The following LRRK2 variants were observed in gnomAD, a reference collection of about 807,000 sequenced individuals.
The protein encoded by LRRK2 is leucine rich repeat kinase 2.
LRRK2 carries 203 observed loss-of-function variants against 302.6 expected under a neutral mutation model. The ratio of observed to expected loss-of-function variants is 0.67; its 90% CI spans 0.60 to 0.75. LRRK2 has a LOEUF of 0.75. LRRK2 is among the 30% of genes least tolerant of loss of function. The pLI is 0.00. For synonymous variants in LRRK2, 1,066 were observed against 1,031.9 expected (o/e 1.03, Z -0.63); for missense variants, 2,830 against 2,951.0 (o/e 0.96, Z 0.95).
intron 8 of LRRK2, 150 bp from the exon 9 acceptor site, chr12:40,251,082 A>G: frequency 1.9e-6 from 1 of 516,608 alleles, no homozygotes; most frequent in Non-Finnish European, 3.3e-6. Flanking sequence ...CGTATAATAT[A>G]TTAAAAATTA....
intron 47 of LRRK2, among the ~76,000 whole-genome samples, chr12:40,361,012 T>C (rs1946687677): frequency 6.6e-6 from 1 of 152,162 alleles, no homozygotes; most frequent in South Asian, 2.1e-4. Flanking sequence ...CCACTAAATC[T>C]ACTGGCTTTC....
At chr12:40,231,601 A>G (rs11175659) in intron 2 of LRRK2, among the ~76,000 whole-genome samples, 2,354 of 148,476 alleles carry the variant, frequency 0.016, 60 homozygotes, top group African/African-American at 0.052. Flanking sequence ...AACAAGAAAA[A>G]AAAAGTACTA....
At chr12:40,270,686 T>G (rs894141288) in intron 14 of LRRK2, among the ~76,000 whole-genome samples, 2 of 152,120 alleles carry the variant, frequency 1.3e-5, no homozygotes, top group African/African-American at 2.4e-5. Flanking sequence ...TCCATCCACT[T>G]TATTAGGGTA....
At chr12:40,269,328 A>G (rs1457700269) in intron 14 of LRRK2, among the ~76,000 whole-genome samples, 1 of 152,152 alleles carries the variant, frequency 6.6e-6, no homozygotes, top group Non-Finnish European at 1.5e-5. Context: ...TGATTCTGGC[A>G]TAGTATTTAG....
intron 23 of LRRK2, among the ~76,000 whole-genome samples, chr12:40,297,938 G>A (rs555287716): frequency 3.3e-5 from 5 of 151,998 alleles, no homozygotes; most frequent in African/African-American, 9.6e-5. Flanking sequence ...TTGTTGAGGC[G>A]TATTCTGCTT....
intron 42 of LRRK2, 95 bp downstream of exon 42, chr12:40,347,018 A>G (rs1946207584): frequency 2.1e-6 from 2 of 957,910 alleles, no homozygotes; most frequent in South Asian, 3.3e-5. Flanking sequence ...TTCCTTAAAC[A>G]GATGATCATT....
Position 40,252,923 on chromosome 12 carries a change from A to G in LRRK2, c.1195A>G (p.Arg399Gly). 1 of 1,612,832 alleles carries G rather than the reference A, an allele frequency of 6.2e-7. No individual in the cohort carries two copies. The highest frequency in any genetic ancestry group is 8.5e-7 in the Non-Finnish European group (1 of 1,179,024). The change falls in exon 11 of 51, where the codon AGG (arginine) becomes GGG (glycine). Residue 399 changes from arginine to glycine, a missense_variant. Physicochemically the swap from Arg to Gly is moderately radical, Grantham distance 125. Coordinates refer to ENST00000298910, the MANE Select transcript of LRRK2 (RefSeq NM_198578.4). The stretch of plus-strand genomic sequence containing the variant: ...AATTTTTGAAAGTTTCCCAGCTCAT[A>G]GGGAAGTGATGCTCTCCATGCTGAT... Reference protein sequence around the residue: ...GDEDGHFPAHREVMLSMLMHS... With the variant: ...GDEDGHFPAHGEVMLSMLMHS...
chr12:40,233,149 G>A (rs1013513084), intron 3 of LRRK2, among the ~76,000 whole-genome samples: 3 of 152,128 alleles, frequency 2.0e-5, no homozygotes, highest in Non-Finnish European at 2.9e-5. Flanking sequence ...TGCAGTGAGC[G>A]GAGGTTGCAG....
rs1565747765 is a variant in LRRK2, at chr12:40,319,897, C to T, written c.4828-91C>T. 7 of 1,272,204 alleles carry T rather than the reference C, an allele frequency of 5.5e-6. No homozygotes were observed. In the East Asian group the frequency reaches 1.4e-4, roughly 25 times the overall value. 78.8% of individuals were successfully genotyped at this position (1,272,204 alleles called of 1,614,324 possible). A position where few individuals can be genotyped will look rare whatever the true frequency, so the allele number is the denominator to read the frequency against. ...GAAAACACTAAAATCTTTCTGACTA[C>T]TTTCACTGAGCAAAGAGACATAAAA... On this transcript the variant is annotated intron_variant, in intron 33 of 50. Coordinates refer to ENST00000298910, the MANE Select transcript of LRRK2 (RefSeq NM_198578.4).
intron 28 of LRRK2, among the ~76,000 whole-genome samples, chr12:40,307,852 G>C (rs903080289): frequency 6.9e-6 from 1 of 144,466 alleles, no homozygotes; most frequent in African/African-American, 2.5e-5. Flanking sequence ...CCTGATCTTG[G>C]CTCACTGCAA....
At chr12:40,275,133 A>G in intron 16 of LRRK2, 140 bp downstream of exon 16, 1 of 940,140 alleles carries the variant, frequency 1.1e-6, no homozygotes, top group Non-Finnish European at 1.7e-6. Context: ...TTTTAATTAT[A>G]CAAGCAAAGA....
Position 40,322,137 on chromosome 12 carries a change from A to C in LRRK2, c.5273A>C (p.His1758Pro), listed in dbSNP as rs878853310. The change falls in exon 36 of 51, where the codon CAT becomes CCT. Residue 1758 changes from histidine (H) to proline (P), a missense_variant. By Grantham distance (77) the His-to-Pro change is moderately conservative. Coordinates refer to ENST00000298910, the MANE Select transcript of LRRK2 (RefSeq NM_198578.4). The part of the protein sequence containing the change: ...CLVGSEVLDN[H>P]PESFLKITVP... Reference sequence around the variant, plus strand: ...GTAGGATCTGAAGTCTTAGACAATCATCCAGAGAGTTTCTTAAAAATTACA... The same window carrying C: ...GTAGGATCTGAAGTCTTAGACAATCCTCCAGAGAGTTTCTTAAAAATTACA... The C allele has an allele frequency of 1.2e-6, 2 of 1,612,980 alleles. No individual in the cohort carries two copies. Among genetic ancestry groups the C allele is most frequent in the Non-Finnish European group, 1.7e-6 (2 of 1,179,278 alleles).
At position 40,364,909 on chromosome 12, in the gene LRRK2, C is replaced by A. The variant is rs1215673901; in HGVS notation, c.7249C>A (p.Leu2417Ile). ...KMSYSGRVKT[L>I]CLQKNTALWI... is the part of the protein sequence containing the mutation. ...GTCTTATTCTGGGAGAGTGAAAACC[C>A]TCTGCCTTCAGAAGAACACTGCTCT... The change falls in exon 49 of 51, where the codon CTC becomes ATC. Residue 2417 changes from leucine to isoleucine, a missense_variant. Coordinates refer to ENST00000298910, the MANE Select transcript of LRRK2 (RefSeq NM_198578.4). 4 of 1,612,414 alleles carry A rather than the reference C, an allele frequency of 2.5e-6. No homozygotes were observed. The highest frequency in any genetic ancestry group is 3.4e-6 in the Non-Finnish European group (4 of 1,179,046).
intron 44 of LRRK2, among the ~76,000 whole-genome samples, chr12:40,353,481 C>T (rs569751514): frequency 4.0e-4 from 57 of 142,308 alleles, no homozygotes; most frequent in Non-Finnish European, 7.0e-4. Context: ...CGGGAAGAGG[C>T]GCTCCTCATT....
chr12:40,246,119 A>G (rs1257496266), intron 7 of LRRK2, among the ~76,000 whole-genome samples: 1 of 151,962 alleles, frequency 6.6e-6, no homozygotes, highest in Non-Finnish European at 1.5e-5. Context: ...AAATTTTGTT[A>G]AGAAATTTTA....
chr12:40,234,969 C>A (rs1941381579), intron 3 of LRRK2, among the ~76,000 whole-genome samples: 2 of 151,812 alleles, frequency 1.3e-5, no homozygotes, highest in African/African-American at 4.8e-5. Flanking sequence ...GTGCTTTTAA[C>A]TTTTTAAATG....
Position 40,232,182 on chromosome 12 carries a change from A to T in LRRK2, c.238-92A>T, listed in dbSNP as rs1302919031. On this transcript the variant is annotated intron_variant, in intron 2 of 50. Transcript: ENST00000298910. ...TTGTTTACAAGTGAGATAAGCATCT[A>T]TTCCACTAAGATTGAAGAGATTCAT... The T allele has an allele frequency of 3.4e-6, 3 of 894,834 alleles. No individual in the cohort carries two copies. In the African/African-American group the frequency reaches 4.9e-5, roughly 15 times the overall value. 55.4% of individuals were successfully genotyped at this position (894,834 alleles called of 1,614,324 possible). A position where few individuals can be genotyped will look rare whatever the true frequency, so the allele number is the denominator to read the frequency against.
At chr12:40,303,209 A>G (rs575184208) in intron 26 of LRRK2, among the ~76,000 whole-genome samples, 4 of 152,250 alleles carry the variant, frequency 2.6e-5, no homozygotes, top group African/African-American at 9.6e-5. Context: ...TATGTTGCCA[A>G]AATACCCTTA....
intron 38 of LRRK2, among the ~76,000 whole-genome samples, chr12:40,324,000 C>G (rs2114571): frequency 6.6e-6 from 1 of 151,834 alleles, no homozygotes; most frequent in Non-Finnish European, 1.5e-5. Flanking sequence ...ATTTTTGGGC[C>G]TAAAAGATGT....
Sources: allele counts gnomAD v4.1 joint callset (sites outside exome capture counted in the v4.1 genomes callset), GRCh38; gene constraint gnomAD v4.1.1; transcripts MANE v1.5; gene names NCBI Gene and HGNC (gene_info 2026-07-23, HGNC 2026-07-21).